IL1RAPL2: variants seen among roughly 807,000 people sequenced by gnomAD.
The protein encoded by IL1RAPL2 is X-linked interleukin-1 receptor accessory protein-like 2.
Under a neutral mutation model 44.1 loss-of-function variants are expected in IL1RAPL2, and 3 were observed. That is an observed-to-expected ratio of 0.07 (90% CI 0.03 to 0.18). The LOEUF is 0.18. IL1RAPL2 is among the 10% of genes least tolerant of loss of function. IL1RAPL2 has a pLI of 1.00. For missense variants in IL1RAPL2, 391 were observed against 496.4 expected (o/e 0.79, Z 2.02); for synonymous variants, 181 against 178.8 (o/e 1.01, Z -0.10).
Position 105,234,016 on chromosome X carries a change from T to C in IL1RAPL2, c.543+12T>C. ...TTGTGTGGTATAAGGTAACTCAGCA[T>C]GGTGTCAAATTCATATTTTACCTCA... On this transcript the variant is annotated intron_variant, in intron 4 of 10. Transcript: ENST00000372582. The C allele has an allele frequency of 8.5e-7, 1 of 1,172,582 alleles. No individual in the cohort carries two copies. Among genetic ancestry groups the C allele is most frequent in the Non-Finnish European group, 1.1e-6 (1 of 872,721 alleles).
At chrX:104,685,876 T>C (rs1482933913) in intron 2 of IL1RAPL2, among the ~76,000 whole-genome samples, 1 of 109,114 alleles carries the variant, frequency 9.2e-6, no homozygotes, top group Non-Finnish European at 1.9e-5. Flanking sequence ...TGCAGTGAGC[T>C]AAGATTGCGC....
At chrX:104,688,000 A>T (rs1458550063) in intron 2 of IL1RAPL2, among the ~76,000 whole-genome samples, 1 of 111,944 alleles carries the variant, frequency 8.9e-6, no homozygotes, top group Non-Finnish European at 1.9e-5. Flanking sequence ...AAGACTTACC[A>T]TCACATTCAG....
At chrX:105,274,035 C>A (rs1378235625) in intron 5 of IL1RAPL2, among the ~76,000 whole-genome samples, 2 of 112,110 alleles carry the variant, frequency 1.8e-5, no homozygotes, top group Admixed American at 1.9e-4. Context: ...AGGCAAAAAA[C>A]TGCATGATTT....
chrX:104,761,263 T>A (rs961166948), intron 2 of IL1RAPL2, among the ~76,000 whole-genome samples: 14 of 111,194 alleles, frequency 1.3e-4, no homozygotes, highest in African/African-American at 3.9e-4. Flanking sequence ...AACATATCCT[T>A]CTTCACATGG....
chrX:104,614,228 C>A (rs988533489), intron 1 of IL1RAPL2, among the ~76,000 whole-genome samples: 2 of 111,136 alleles, frequency 1.8e-5, no homozygotes, highest in African/African-American at 6.5e-5. Flanking sequence ...TTTCTGCTAG[C>A]TTTGGCGGTA....
At chrX:104,803,488 G>A (rs1014548463) in intron 2 of IL1RAPL2, among the ~76,000 whole-genome samples, 6 of 112,162 alleles carry the variant, frequency 5.3e-5, no homozygotes, top group African/African-American at 1.9e-4. Flanking sequence ...GCTAAGATTT[G>A]TCTGGGCAGG....
intron 6 of IL1RAPL2, among the ~76,000 whole-genome samples, chrX:105,626,269 G>A (rs400000): frequency 0.46 from 51,063 of 110,495 alleles, 9,757 homozygotes; most frequent in African/African-American, 0.74. Flanking sequence ...AAATATCACA[G>A]GAAGGTATGT....
chrX:105,550,723 G>A (rs1181167819), intron 6 of IL1RAPL2, among the ~76,000 whole-genome samples: 3 of 111,050 alleles, frequency 2.7e-5, no homozygotes, highest in African/African-American at 9.8e-5. Context: ...ATGCAGATAT[G>A]GTCACAGGGC....
chrX:104,594,981 G>A (rs781047581), intron 1 of IL1RAPL2, among the ~76,000 whole-genome samples: 5 of 112,081 alleles, frequency 4.5e-5, no homozygotes, highest in African/African-American at 1.6e-4. Flanking sequence ...GAGGCACTTA[G>A]AGTGTATCCT....
intron 5 of IL1RAPL2, among the ~76,000 whole-genome samples, chrX:105,447,983 A>G (rs1009101062): frequency 5.9e-5 from 6 of 102,280 alleles, no homozygotes; most frequent in Non-Finnish European, 1.2e-4. Context: ...ATATAAATAT[A>G]TAAATATATA....
At chrX:104,610,152 A>T (rs1295790176) in intron 1 of IL1RAPL2, among the ~76,000 whole-genome samples, 1 of 110,679 alleles carries the variant, frequency 9.0e-6, no homozygotes, top group Non-Finnish European at 1.9e-5. Context: ...AGAGCTATCT[A>T]TGACAAACCC....
intron 10 of IL1RAPL2, among the ~76,000 whole-genome samples, chrX:105,764,120 G>T (rs1488808582): frequency 9.0e-6 from 1 of 111,527 alleles, no homozygotes; most frequent in Admixed American, 9.5e-5. Flanking sequence ...AGCCAGTAGA[G>T]TATGCAGGAG....
At chrX:104,797,875 A>G (rs902219127) in intron 2 of IL1RAPL2, among the ~76,000 whole-genome samples, 7 of 112,449 alleles carry the variant, frequency 6.2e-5, no homozygotes, top group Admixed American at 2.8e-4. Context: ...TAGGCAAACA[A>G]TGAAAGCGGT....
At chrX:105,306,052 G>T (rs1332666713) in intron 5 of IL1RAPL2, among the ~76,000 whole-genome samples, 1 of 111,316 alleles carries the variant, frequency 9.0e-6, no homozygotes, top group East Asian at 2.8e-4. Flanking sequence ...AAGGTTTAAA[G>T]CATGATACAA....
chrX:105,311,637 CACACATAT>C (rs1338697196), intron 5 of IL1RAPL2, among the ~76,000 whole-genome samples: 18 of 97,861 alleles, frequency 1.8e-4, no homozygotes, highest in African/African-American at 7.7e-4. Context: ...CACACACACA[CACACATAT>C]ATATATATAT....
At chrX:105,674,374 A>G (rs771785437) in intron 6 of IL1RAPL2, among the ~76,000 whole-genome samples, 1 of 111,895 alleles carries the variant, frequency 8.9e-6, no homozygotes, top group Non-Finnish European at 1.9e-5. Flanking sequence ...TCCAGTCTCA[A>G]TTTTGAACAA....
chrX:105,075,457 A>C lies in IL1RAPL2; in HGVS notation c.83-120018A>C, dbSNP rs2032280788. ...GATTCGGTTTGCCAGTATTTTATTG[A>C]GGATTTTTGCATCAATGTTCATCAA... On this transcript the variant is annotated intron_variant, in intron 2 of 10. Transcript: ENST00000372582. Among the ~76,000 whole-genome samples the C allele has an allele frequency of 2.7e-5, 3 of 111,644 alleles. No homozygotes were observed. The South Asian group carries it at 1.1e-3, about 42-fold the overall frequency.
At chrX:104,608,490 A>G (rs954487147) in intron 1 of IL1RAPL2, among the ~76,000 whole-genome samples, 3 of 110,620 alleles carry the variant, frequency 2.7e-5, no homozygotes, top group African/African-American at 9.9e-5. Flanking sequence ...TAGTTCTCTA[A>G]GAACTTACTT....
chrX:105,492,469 A>C (rs2036327207), intron 6 of IL1RAPL2, among the ~76,000 whole-genome samples: 1 of 110,275 alleles, frequency 9.1e-6, no homozygotes. Context: ...TATTACAAAT[A>C]ATAATGTTAT....
Sources: allele counts gnomAD v4.1 joint callset (sites outside exome capture counted in the v4.1 genomes callset), GRCh38; gene constraint gnomAD v4.1.1; transcripts MANE v1.5; gene names NCBI Gene and HGNC (gene_info 2026-07-23, HGNC 2026-07-21).